MLLT1: variants seen among roughly 807,000 people sequenced by gnomAD.
MLLT1 encodes the protein protein ENL.
In MLLT1, 11 loss-of-function variants were observed where a neutral mutation model predicts 55.1. The ratio of observed to expected loss-of-function variants is 0.20; its 90% CI spans 0.13 to 0.33. The LOEUF is 0.33. MLLT1 is among the 10% of genes least tolerant of loss of function. MLLT1 has a pLI of 1.00. For synonymous variants in MLLT1, 323 were observed against 320.1 expected, an observed-to-expected ratio of 1.01 and a Z score of -0.10; for missense variants, 536 against 760.6, an observed-to-expected ratio of 0.70 and a Z score of 3.47.
chr19:6,213,289 C>T (rs770056939), intron 11 of MLLT1, 48 bp downstream of exon 11: 1 of 1,610,390 alleles, frequency 6.2e-7, no homozygotes, highest in South Asian at 1.1e-5. Context: ...CCACACTCCT[C>T]ACAGGCACCC....
At chr19:6,279,017 G>A (rs1343848362) in intron 1 of MLLT1, among the ~76,000 whole-genome samples, 4 of 152,162 alleles carry the variant, frequency 2.6e-5, no homozygotes, top group African/African-American at 9.7e-5. Context: ...GGCCAGGGCT[G>A]GGGTTGGGAG....
intron 7 of MLLT1, 28 bp from the exon 8 acceptor site, chr19:6,216,541 G>A (rs1182724851): frequency 1.7e-5 from 25 of 1,487,396 alleles, no homozygotes; most frequent in Non-Finnish European, 2.3e-5. Context: ...GGAGGGAGGG[G>A]AGACAAGGGC....
intron 4 of MLLT1, among the ~76,000 whole-genome samples, chr19:6,228,431 C>T (rs1187309266): frequency 6.6e-6 from 1 of 152,182 alleles, no homozygotes; most frequent in Non-Finnish European, 1.5e-5. Context: ...AGATGACTCC[C>T]ACCTCCAACA....
chr19:6,215,888 T>G (rs972794878), intron 8 of MLLT1, among the ~76,000 whole-genome samples: 1 of 152,046 alleles, frequency 6.6e-6, no homozygotes, highest in African/African-American at 2.4e-5. Flanking sequence ...GTCCTGCATA[T>G]CCCAAGGATG....
chr19:6,250,113 T>A (rs781276036), intron 3 of MLLT1, among the ~76,000 whole-genome samples: 2 of 151,984 alleles, frequency 1.3e-5, no homozygotes, highest in Non-Finnish European at 2.9e-5. Context: ...AATAGACGTA[T>A]CTTCAAAACA....
At chr19:6,217,881 G>A in intron 7 of MLLT1, 73 bp downstream of exon 7, 3 of 1,526,234 alleles carry the variant, frequency 2.0e-6, no homozygotes, top group Admixed American at 4.3e-5. Context: ...GGACGCTGAG[G>A]AATGCCCATG....
In MLLT1 at chr19:6,212,523, C is replaced by T; in HGVS notation, c.*519G>A. 1.9e-6 allele frequency: 2 copies of T among 1,080,916 alleles called. No homozygotes were observed. The highest frequency in any genetic ancestry group is 2.2e-6 in the Non-Finnish European group (2 of 890,224). The allele number at this position is 1,080,916 out of a possible 1,614,324, so 67.0% of individuals were successfully genotyped here. A position where few individuals can be genotyped will look rare whatever the true frequency, so the allele number is the denominator to read the frequency against. On this transcript the variant is annotated 3_prime_UTR_variant, in exon 12 of 12. Transcript: ENST00000252674. ...GAGAACTATACAGCACAGACCCCAG[C>T]GCAGCGCGAGCCGGGGAGGAGCCGG...
intron 3 of MLLT1, among the ~76,000 whole-genome samples, chr19:6,253,440 A>T (rs2091235533): frequency 6.6e-6 from 1 of 152,078 alleles, no homozygotes; most frequent in Non-Finnish European, 1.5e-5. Flanking sequence ...AACTCTACCA[A>T]AACTTAGAAG....
intron 1 of MLLT1, 53 bp downstream of exon 1, chr19:6,279,720 C>T (rs1156727762): frequency 8.4e-6 from 1 of 119,064 alleles, no homozygotes; most frequent in Non-Finnish European, 1.8e-5. Flanking sequence ...GGCGGGCCGG[C>T]GGGCGGGAGG....
chr19:6,243,428 G>A (rs2091134537), intron 3 of MLLT1, among the ~76,000 whole-genome samples: 1 of 152,204 alleles, frequency 6.6e-6, no homozygotes, highest in Non-Finnish European at 1.5e-5. Flanking sequence ...GGGAGAGATG[G>A]AGCCAGGTCT....
At chr19:6,272,416 A>G (rs1278131742) in intron 1 of MLLT1, among the ~76,000 whole-genome samples, 4 of 152,174 alleles carry the variant, frequency 2.6e-5, no homozygotes, top group Non-Finnish European at 4.4e-5. Context: ...CATCTCTTCT[A>G]GTGCCGCAGC....
intron 3 of MLLT1, among the ~76,000 whole-genome samples, chr19:6,251,769 CAAAA>C (rs11307954): frequency 7.0e-6 from 1 of 141,972 alleles, no homozygotes. Context: ...TACCTCCCAC[CAAAA>C]AAAAAAAAAG....
intron 6 of MLLT1, among the ~76,000 whole-genome samples, 182 bp from the exon 7 acceptor site, chr19:6,218,223 T>C (rs796921966): frequency 1.3e-5 from 2 of 152,204 alleles, no homozygotes; most frequent in African/African-American, 2.4e-5. Context: ...GGCCAGGCCA[T>C]GCGCAGCCTA....
At chr19:6,242,257 G>A (rs1014728348) in intron 3 of MLLT1, among the ~76,000 whole-genome samples, 2 of 152,150 alleles carry the variant, frequency 1.3e-5, no homozygotes, top group South Asian at 2.1e-4. Flanking sequence ...AGGGCACCCC[G>A]GCTTGGTGTC....
chr19:6,248,079 CG>C (rs1471030346), intron 3 of MLLT1, among the ~76,000 whole-genome samples: 1 of 152,058 alleles, frequency 6.6e-6, no homozygotes, highest in Non-Finnish European at 1.5e-5. Flanking sequence ...TTAGCAGAGA[CG>C]GGGTGCCATG....
intron 8 of MLLT1, among the ~76,000 whole-genome samples, chr19:6,215,361 C>G (rs1432269940): frequency 6.6e-6 from 1 of 152,354 alleles, no homozygotes; most frequent in African/African-American, 2.4e-5. Flanking sequence ...TGTCACCGAA[C>G]GAGGCGGGAG....
rs955062816 is a variant in MLLT1, at chr19:6,229,846, CAT to C, written c.420+722_420+723del. ...GCCACACACAACACACGTACATACACATGACACACCACACACCGCACACGACA... is the reference window on the plus strand; with the variant it reads ...GCCACACACAACACACGTACATACACGACACACCACACACCGCACACGACA... On this transcript the variant is annotated intron_variant, in intron 4 of 11. Coordinates refer to ENST00000252674, the MANE Select transcript of MLLT1 (RefSeq NM_005934.4). This position sits in a 1 kb window ranked among gnomAD's most constrained non-coding sequence, Gnocchi z 5.2. 1.4e-4 allele frequency among the ~76,000 whole-genome samples: 22 copies of C among 152,012 alleles called. No individual in the cohort carries two copies. Among genetic ancestry groups the C allele is most frequent in the Non-Finnish European group, 2.2e-4 (15 of 67,970 alleles).
rs1213764154 is a variant in MLLT1 at position 6,265,072 on chromosome 19, A to C, written c.194-2762T>G. Among the ~76,000 whole-genome samples, 157 of 145,376 alleles carry C rather than the reference A, an allele frequency of 1.1e-3. 1 individual carries two copies. The highest frequency in any genetic ancestry group is 3.6e-3 in the African/African-American group (144 of 39,574). On this transcript the variant is annotated intron_variant, in intron 2 of 11. Coordinates refer to ENST00000252674, the MANE Select transcript of MLLT1 (RefSeq NM_005934.4). The stretch of plus-strand genomic sequence containing the variant: ...AACAAAAAAACAAAAAAACAAAAAA[A>C]AACATGATGTCATAAAGCAAGCGTC...
Position 6,211,901 on chromosome 19 carries a change from G to T in MLLT1, c.*1141C>A. 3 of 1,064,716 alleles carry T rather than the reference G, an allele frequency of 2.8e-6. No individual in the cohort carries two copies. Among genetic ancestry groups the T allele is most frequent in the Non-Finnish European group, 3.4e-6 (3 of 878,878 alleles). 66.0% of individuals were successfully genotyped at this position (1,064,716 alleles called of 1,614,324 possible). ...CATGAATTGCGGCGGTGGAGGCCGG[G>T]GCGGGCCAGGCCGCGACCAGAGAGA... On this transcript the variant is annotated 3_prime_UTR_variant, in exon 12 of 12. Transcript: ENST00000252674. This position sits in a 1 kb window ranked among gnomAD's most constrained non-coding sequence, Gnocchi z 4.6.
Sources: gnomAD v4.1 joint callset for allele counts (sites outside exome capture counted in the v4.1 genomes callset) on GRCh38, gnomAD v4.1.1 for gene constraint, Gnocchi (gnomAD v3.1) non-coding constraint, MANE v1.5 for transcripts, NCBI Gene and HGNC (gene_info 2026-07-23, HGNC 2026-07-21) for gene names.